PTPN11: variants seen among roughly 807,000 people sequenced by gnomAD.
PTPN11 encodes tyrosine-protein phosphatase non-receptor type 11.
In PTPN11, 6 loss-of-function variants were observed where a neutral mutation model predicts 78.8. That is an observed-to-expected ratio of 0.08 (90% CI 0.04 to 0.15). PTPN11 has a LOEUF of 0.15. Ranked by LOEUF, PTPN11 falls within the 10% of genes least tolerant of loss-of-function variation. The pLI is 1.00. For missense variants in PTPN11, 386 were observed against 744.8 expected (o/e 0.52, Z 5.61); for synonymous variants, 221 against 263.5 (o/e 0.84, Z 1.56).
intron 2 of PTPN11, among the ~76,000 whole-genome samples, chr12:112,447,674 A>T (rs2038015446): frequency 6.6e-6 from 1 of 150,596 alleles, no homozygotes; most frequent in Non-Finnish European, 1.5e-5. Context: ...TAATTTTTGT[A>T]TTTTTAGTAG....
intron 1 of PTPN11, among the ~76,000 whole-genome samples, chr12:112,424,984 G>A (rs991601818): frequency 5.6e-5 from 8 of 143,794 alleles, no homozygotes; most frequent in African/African-American, 2.0e-4. Flanking sequence ...GTGTGTGTGT[G>A]TGTGTGTGTG....
At chr12:112,420,158 C>A (rs2037499353) in intron 1 of PTPN11, among the ~76,000 whole-genome samples, 1 of 152,122 alleles carries the variant, frequency 6.6e-6, no homozygotes, top group Non-Finnish European at 1.5e-5. Context: ...ATTTTGTTGT[C>A]AAACAGTAGT....
chr12:112,449,106 C>G (rs185700918), intron 2 of PTPN11, among the ~76,000 whole-genome samples: 3 of 150,362 alleles, frequency 2.0e-5, no homozygotes, highest in Non-Finnish European at 4.4e-5. Context: ...AGGCTGGTAT[C>G]GGTCTGCTGA....
chr12:112,427,194 C>T (rs1206285784), intron 1 of PTPN11, among the ~76,000 whole-genome samples: 3 of 151,274 alleles, frequency 2.0e-5, no homozygotes, highest in Non-Finnish European at 2.9e-5. Context: ...TGCAGTGAGC[C>T]GAGATCGTGT....
rs560847447 is a variant in PTPN11, at chr12:112,452,446, G to A, written c.333-749G>A. ...TCACCATGTTGGTCAGGCTGGTCTCGAATTCTTGACCTCAGGTGATCCACC... is the reference window on the plus strand; with the variant it reads ...TCACCATGTTGGTCAGGCTGGTCTCAAATTCTTGACCTCAGGTGATCCACC... On this transcript the variant is annotated intron_variant, in intron 3 of 15. Transcript: ENST00000351677. 5.3e-5 allele frequency among the ~76,000 whole-genome samples: 8 copies of A among 152,106 alleles called. No individual in the cohort carries two copies. The East Asian group carries it at 7.7e-4, about 15-fold the overall frequency.
intron 13 of PTPN11, among the ~76,000 whole-genome samples, chr12:112,489,755 T>C (rs918350602): frequency 1.3e-5 from 2 of 152,182 alleles, no homozygotes; most frequent in African/African-American, 4.8e-5. Context: ...AGCTGCTCTT[T>C]TGGGGGCTGT....
chr12:112,421,795 T>A (rs1191072893), intron 1 of PTPN11, among the ~76,000 whole-genome samples: 1 of 152,002 alleles, frequency 6.6e-6, no homozygotes, highest in African/African-American at 2.4e-5. Flanking sequence ...CCCGGCTAAT[T>A]TTTGTATTTT....
chr12:112,478,876 G>C (rs190227173), intron 9 of PTPN11, among the ~76,000 whole-genome samples: 218 of 152,254 alleles, frequency 1.4e-3, no homozygotes, highest in African/African-American at 4.9e-3. Flanking sequence ...GGGACTACAG[G>C]TGCGTGCCAC....
intron 6 of PTPN11, among the ~76,000 whole-genome samples, chr12:112,461,633 T>C (rs2038250433): frequency 6.6e-6 from 1 of 152,106 alleles, no homozygotes; most frequent in Non-Finnish European, 1.5e-5. Flanking sequence ...AGCTAATTTT[T>C]TAATTTTTAT....
At chr12:112,425,175 A>G (rs2037597679) in intron 1 of PTPN11, among the ~76,000 whole-genome samples, 1 of 151,912 alleles carries the variant, frequency 6.6e-6, no homozygotes, top group African/African-American at 2.4e-5. Flanking sequence ...AAAAATTTTG[A>G]CATTTAGTAG....
chr12:112,423,366 A>G (rs529068647), intron 1 of PTPN11, among the ~76,000 whole-genome samples: 6 of 152,036 alleles, frequency 3.9e-5, no homozygotes, highest in African/African-American at 7.2e-5. Flanking sequence ...GCTCACTGCA[A>G]CCTCCACCTC....
intron 3 of PTPN11, among the ~76,000 whole-genome samples, chr12:112,452,792 G>T: frequency 6.6e-6 from 1 of 152,318 alleles, no homozygotes; most frequent in East Asian, 1.9e-4. Context: ...GCCTTCCAAA[G>T]TGTTGGGATT....
Position 112,477,679 on chromosome 12 carries a change from T to G in PTPN11, c.882T>G (p.Asp294Glu). The G allele has an allele frequency of 1.9e-6, 3 of 1,613,266 alleles. No homozygotes were observed. Among genetic ancestry groups the G allele is most frequent in the Non-Finnish European group, 2.5e-6 (3 of 1,179,516 alleles). Reference sequence around the variant, plus strand: ...ATCATACCAGGGTTGTCCTACACGATGGTGATCCCAATGAGCCTGTTTCAG... The same window carrying G: ...ATCATACCAGGGTTGTCCTACACGAGGGTGATCCCAATGAGCCTGTTTCAG... The part of the protein sequence containing the change: ...PFDHTRVVLH[D>E]GDPNEPVSDY... The change falls in exon 8 of 16, where the codon GAT (aspartate) becomes GAG (glutamate). Residue 294 changes from aspartate to glutamate, a missense_variant. This residue lies in a region of PTPN11 where 279 missense variants were observed against 503.3 expected (regional missense o/e 0.55). Coordinates refer to ENST00000351677, the MANE Select transcript of PTPN11 (RefSeq NM_002834.5).
At position 112,475,951 on chromosome 12, in the gene PTPN11, C is replaced by CT. The variant is rs986589301; in HGVS notation, c.854-1691dup. Among the ~76,000 whole-genome samples, 7 of 150,930 alleles carry CT rather than the reference C, an allele frequency of 4.6e-5. No homozygotes were observed. In the East Asian group the frequency reaches 5.8e-4, roughly 13 times the overall value. ...CTAGTGACCTTGAGGAAGCCTTATC[C>CT]TTTTTTTTTGGAATTTATTTTTTCA... On this transcript the variant is annotated intron_variant, in intron 7 of 15. Coordinates refer to ENST00000351677, the MANE Select transcript of PTPN11 (RefSeq NM_002834.5).
At chr12:112,472,776 C>T (rs1345818968) in intron 6 of PTPN11, among the ~76,000 whole-genome samples, 168 bp from the exon 7 acceptor site, 2 of 152,188 alleles carry the variant, frequency 1.3e-5, no homozygotes, top group Admixed American at 6.5e-5. Flanking sequence ...GTGGGGATTA[C>T]AGGTGTAAGC....
At position 112,477,833 on chromosome 12, in the gene PTPN11, A is replaced by G. The variant is rs765033502; in HGVS notation, c.934-24A>G. ...CTGAAAGTAACTTTAAGGTGTTTGA[A>G]GGATTTTCTTCCTAAATTTCTAGCC... is the stretch of plus-strand genomic sequence containing the variant. On this transcript the variant is annotated intron_variant, in intron 8 of 15. Coordinates refer to ENST00000351677, the MANE Select transcript of PTPN11 (RefSeq NM_002834.5). The G allele has an allele frequency of 3.2e-5, 51 of 1,613,800 alleles. No individual in the cohort carries two copies. In the Admixed American group the frequency reaches 6.2e-4, roughly 20 times the overall value.
chr12:112,469,284 T>C (rs960777142), intron 6 of PTPN11, among the ~76,000 whole-genome samples: 6 of 152,006 alleles, frequency 3.9e-5, no homozygotes, highest in African/African-American at 1.5e-4. Context: ...CCTTATCTAG[T>C]CCGTAGATGA....
Position 112,509,827 on chromosome 12 carries a change from G to A in PTPN11, c.*4035G>A, listed in dbSNP as rs2038980305. The A allele has an allele frequency of 6.6e-6, 1 of 152,576 alleles. No individual in the cohort carries two copies. Among genetic ancestry groups the A allele is most frequent in the African/African-American group, 2.4e-5 (1 of 41,444 alleles). 9.5% of individuals were successfully genotyped at this position (152,576 alleles called of 1,614,324 possible). On this transcript the variant is annotated 3_prime_UTR_variant, in exon 16 of 16. Transcript: ENST00000351677. ...GGGTGTTAGCGCAACTGCTTTGCTAGTTGCAAAGCTGTATTATCAGAGTAA... is the reference window on the plus strand; with the variant it reads ...GGGTGTTAGCGCAACTGCTTTGCTAATTGCAAAGCTGTATTATCAGAGTAA...
chr12:112,470,828 T>G (rs979841253), intron 6 of PTPN11, among the ~76,000 whole-genome samples: 5 of 152,254 alleles, frequency 3.3e-5, no homozygotes, highest in Admixed American at 1.3e-4. Context: ...TTCAGTTCAG[T>G]GTTTGAACTT....
Sources: gnomAD v4.1 joint callset for allele counts (sites outside exome capture counted in the v4.1 genomes callset) on GRCh38, gnomAD v4.1.1 for gene constraint, gnomAD v4.1.1 regional missense constraint, MANE v1.5 for transcripts, NCBI Gene and HGNC (gene_info 2026-07-23, HGNC 2026-07-21) for gene names.